EML4: variants seen among roughly 807,000 people sequenced by gnomAD.
EML4 encodes the protein EMAP like 4.
In EML4, 72 loss-of-function variants were observed where a neutral mutation model predicts 129.0. That is an observed-to-expected ratio of 0.56 (90% CI 0.46 to 0.68). The LOEUF (loss-of-function observed/expected upper bound fraction) is 0.68. Among genes scored for constraint, EML4 ranks in the 30% least tolerant of loss-of-function variants. EML4 has a pLI of 0.00. For synonymous variants in EML4, 532 were observed against 405.0 expected, an observed-to-expected ratio of 1.31 and a Z score of -3.77; for missense variants, 1,363 against 1,190.6, an observed-to-expected ratio of 1.14 and a Z score of -2.13.
At chr2:42,231,359 A>G (rs1674333127) in intron 1 of EML4, among the ~76,000 whole-genome samples, 1 of 152,138 alleles carries the variant, frequency 6.6e-6, no homozygotes, top group African/African-American at 2.4e-5. Context: ...CAGTTATCAG[A>G]TATGTCCTAA....
chr2:42,292,113 T>G (rs1312257074), intron 11 of EML4, among the ~76,000 whole-genome samples: 1 of 152,132 alleles, frequency 6.6e-6, no homozygotes, highest in Non-Finnish European at 1.5e-5. Flanking sequence ...ATTATAGGAG[T>G]TTTGTGGGAC....
chr2:42,243,818 G>C (rs34355843), intron 1 of EML4, among the ~76,000 whole-genome samples: 3 of 152,046 alleles, frequency 2.0e-5, no homozygotes, highest in Non-Finnish European at 4.4e-5. Context: ...AAATGTTGTG[G>C]TGGTGGTTTT....
At chr2:42,282,400 G>A (rs756541112) in intron 7 of EML4, among the ~76,000 whole-genome samples, 14 of 151,304 alleles carry the variant, frequency 9.3e-5, no homozygotes, top group South Asian at 4.2e-4. Context: ...GTGGAGGGGT[G>A]GGGGTGGGCG....
chr2:42,316,123 T>C, intron 18 of EML4, 73 bp downstream of exon 18: 1 of 1,020,214 alleles, frequency 9.8e-7, no homozygotes, highest in Non-Finnish European at 1.5e-6. Flanking sequence ...GTTTTACTTC[T>C]AATAAGGCTG....
chr2:42,228,082 A>G (rs960677951), intron 1 of EML4, among the ~76,000 whole-genome samples: 2 of 152,118 alleles, frequency 1.3e-5, no homozygotes, highest in Middle Eastern at 3.2e-3. Flanking sequence ...TTAGCTGGAC[A>G]TGGTGTCACG....
intron 13 of EML4, among the ~76,000 whole-genome samples, chr2:42,295,953 A>G (rs990962442): frequency 3.3e-5 from 5 of 152,072 alleles, no homozygotes; most frequent in Non-Finnish European, 2.9e-5. Context: ...CTTCTTCCCA[A>G]CCTTAGTGTA....
At chr2:42,314,244 AG>A (rs576120542) in intron 17 of EML4, among the ~76,000 whole-genome samples, 144 of 152,094 alleles carry the variant, frequency 9.5e-4, no homozygotes, top group South Asian at 1.9e-3. Context: ...CTGTAATCCC[AG>A]CTACTCGAGA....
intron 1 of EML4, among the ~76,000 whole-genome samples, chr2:42,216,750 C>T (rs558833497): frequency 1.3e-5 from 2 of 152,306 alleles, no homozygotes; most frequent in Non-Finnish European, 1.5e-5. Context: ...GGCTGGACTG[C>T]TATTTTTAAC....
At chr2:42,205,635 T>G (rs965623382) in intron 1 of EML4, among the ~76,000 whole-genome samples, 6 of 152,060 alleles carry the variant, frequency 3.9e-5, no homozygotes, top group African/African-American at 1.4e-4. Flanking sequence ...GAAAGGGTTT[T>G]TGTTGTTGTT....
chr2:42,171,353 T>C (rs1670267784), intron 1 of EML4, among the ~76,000 whole-genome samples: 1 of 152,228 alleles, frequency 6.6e-6, no homozygotes, highest in South Asian at 2.1e-4. Flanking sequence ...CACTTTAACT[T>C]CTTTCGTGTT....
chr2:42,291,443 C>T (rs998386987), intron 11 of EML4, among the ~76,000 whole-genome samples: 5 of 146,234 alleles, frequency 3.4e-5, no homozygotes, highest in African/African-American at 1.0e-4. Flanking sequence ...TTCTGTCACC[C>T]ATGCTGGAGT....
At chr2:42,221,848 C>G (rs1489968939) in intron 1 of EML4, among the ~76,000 whole-genome samples, 2 of 152,056 alleles carry the variant, frequency 1.3e-5, no homozygotes, top group African/African-American at 2.4e-5. Flanking sequence ...AGGTGATCCA[C>G]CCACCTCAGC....
In EML4 at chr2:42,330,269, G is replaced by T; in HGVS notation, c.*62G>T. The T allele has an allele frequency of 1.4e-6, 2 of 1,447,974 alleles. No homozygotes were observed. The highest frequency in any genetic ancestry group is 1.9e-6 in the Non-Finnish European group (2 of 1,035,870). The allele number at this position is 1,447,974 out of a possible 1,614,324, so 89.7% of individuals were successfully genotyped here. A position where few individuals can be genotyped will look rare whatever the true frequency, so the allele number is the denominator to read the frequency against. ...CATGTGATTTTGTGATAAAGTTCAGGTAACAGGATGGGCAGTGATGGAGAA... is the reference window on the plus strand; with the variant it reads ...CATGTGATTTTGTGATAAAGTTCAGTTAACAGGATGGGCAGTGATGGAGAA... On this transcript the variant is annotated 3_prime_UTR_variant, in exon 23 of 23. Transcript: ENST00000318522.
At chr2:42,298,191 C>G (rs1017632411) in intron 13 of EML4, among the ~76,000 whole-genome samples, 4 of 152,144 alleles carry the variant, frequency 2.6e-5, no homozygotes, top group African/African-American at 7.2e-5. Context: ...GGCCCAGTTG[C>G]TAAGAATACA....
intron 6 of EML4, among the ~76,000 whole-genome samples, chr2:42,272,999 G>C (rs902579356): frequency 6.6e-6 from 1 of 152,084 alleles, no homozygotes; most frequent in African/African-American, 2.4e-5. Flanking sequence ...TTAATGTTCT[G>C]CTGAGGCCTC....
At chr2:42,265,215 G>A (rs539861806) in intron 6 of EML4, among the ~76,000 whole-genome samples, 1 of 142,976 alleles carries the variant, frequency 7.0e-6, no homozygotes, top group Non-Finnish European at 1.5e-5. Context: ...CTCCCAGGTA[G>A]CTGGGGACTA....
intron 11 of EML4, among the ~76,000 whole-genome samples, chr2:42,290,088 A>G (rs936758904): frequency 3.3e-5 from 5 of 151,904 alleles, no homozygotes; most frequent in Non-Finnish European, 5.9e-5. Flanking sequence ...CTTCGTCTCA[A>G]AAAATAATAA....
intron 17 of EML4, among the ~76,000 whole-genome samples, chr2:42,306,784 C>A (rs1668632422): frequency 6.6e-6 from 1 of 151,774 alleles, no homozygotes; most frequent in African/African-American, 2.4e-5. Flanking sequence ...CAGGTGTGAG[C>A]CACCGCACCT....
At chr2:42,187,346 C>T (rs548754735) in intron 1 of EML4, among the ~76,000 whole-genome samples, 8 of 152,172 alleles carry the variant, frequency 5.3e-5, no homozygotes, top group East Asian at 1.9e-4. Flanking sequence ...CCACATCCAG[C>T]GTATTTTGTC....
Sources: gnomAD v4.1 joint callset for allele counts (sites outside exome capture counted in the v4.1 genomes callset) on GRCh38, gnomAD v4.1.1 for gene constraint, MANE v1.5 for transcripts, NCBI Gene and HGNC (gene_info 2026-07-23, HGNC 2026-07-21) for gene names.